Variants in RIMS2 observed in about 807,000 individuals in gnomAD.
The protein encoded by RIMS2 is regulating synaptic membrane exocytosis 2.
A neutral mutation model predicts 174.4 loss-of-function variants in RIMS2; 59 were observed. The ratio of observed to expected loss-of-function variants is 0.34; its 90% CI spans 0.27 to 0.42. RIMS2 has a LOEUF of 0.42. Among genes scored for constraint, RIMS2 ranks in the 10% least tolerant of loss-of-function variants. The pLI is 1.00. For synonymous variants in RIMS2, 606 were observed against 572.5 expected (o/e 1.06, Z -0.84); for missense variants, 1,620 against 1,666.3 (o/e 0.97, Z 0.48).
At chr8:103,591,887 G>T (rs1309317025) in intron 1 of RIMS2, among the ~76,000 whole-genome samples, 1 of 150,464 alleles carries the variant, frequency 6.6e-6, no homozygotes, top group East Asian at 1.9e-4. Context: ...GTGTTCTTTT[G>T]TACTTCCATA....
intron 4 of RIMS2, among the ~76,000 whole-genome samples, chr8:103,907,934 G>A (rs1374447612): frequency 6.7e-6 from 1 of 150,144 alleles, no homozygotes; most frequent in Non-Finnish European, 1.5e-5. Flanking sequence ...TTTTTTAGTA[G>A]AGACGGGGTT....
chr8:103,957,225 C>G (rs915938098), intron 14 of RIMS2, among the ~76,000 whole-genome samples: 1 of 152,090 alleles, frequency 6.6e-6, no homozygotes, highest in Non-Finnish European at 1.5e-5. Context: ...AGAAATACCA[C>G]TTGACCCAGC....
intron 3 of RIMS2, among the ~76,000 whole-genome samples, chr8:103,838,926 G>C (rs922381953): frequency 2.0e-5 from 3 of 152,106 alleles, no homozygotes; most frequent in Non-Finnish European, 4.4e-5. Flanking sequence ...TTAGCCGGGC[G>C]TGGTGGCGGG....
chr8:104,212,284 A>C (rs2099108810), intron 19 of RIMS2, among the ~76,000 whole-genome samples: 1 of 152,208 alleles, frequency 6.6e-6, no homozygotes, highest in Non-Finnish European at 1.5e-5. Context: ...AAGAGGGCCC[A>C]AAGTTGAACA....
intron 19 of RIMS2, among the ~76,000 whole-genome samples, chr8:104,052,176 A>G (rs944918921): frequency 6.6e-6 from 1 of 152,214 alleles, no homozygotes; most frequent in African/African-American, 2.4e-5. Context: ...GTGAGTTTAC[A>G]TGACTAAATC....
intron 4 of RIMS2, among the ~76,000 whole-genome samples, chr8:103,894,976 T>A (rs1218277354): frequency 6.6e-6 from 1 of 151,658 alleles, no homozygotes; most frequent in East Asian, 1.9e-4. Flanking sequence ...AATACTTTTT[T>A]AACTTTGAAA....
chr8:104,152,348 A>G (rs2098695056), intron 19 of RIMS2, among the ~76,000 whole-genome samples: 1 of 152,102 alleles, frequency 6.6e-6, no homozygotes, highest in South Asian at 2.1e-4. Context: ...ACTCCCCTTA[A>G]TAGATTTGAC....
chr8:103,565,893 T>C (rs535306842), intron 1 of RIMS2, among the ~76,000 whole-genome samples: 1 of 152,234 alleles, frequency 6.6e-6, no homozygotes, highest in East Asian at 1.9e-4. Context: ...AAGTACACAC[T>C]CAAGGGTGGG....
intron 3 of RIMS2, among the ~76,000 whole-genome samples, chr8:103,870,195 T>C (rs2099103980): frequency 6.6e-6 from 1 of 151,978 alleles, no homozygotes; most frequent in South Asian, 2.1e-4. Context: ...AGCTATGTGA[T>C]TTTAGGCAAA....
At chr8:103,586,190 C>T (rs1343189372) in intron 1 of RIMS2, among the ~76,000 whole-genome samples, 1 of 152,064 alleles carries the variant, frequency 6.6e-6, no homozygotes, top group East Asian at 1.9e-4. Flanking sequence ...GACAAATCTT[C>T]CAGACAGAAA....
At chr8:104,025,308 T>C (rs2096226801) in intron 19 of RIMS2, among the ~76,000 whole-genome samples, 1 of 152,076 alleles carries the variant, frequency 6.6e-6, no homozygotes, top group African/African-American at 2.4e-5. Flanking sequence ...AATAAGACCC[T>C]GCCTCTACCA....
chr8:104,109,482 A>G (rs1434595621), intron 19 of RIMS2, among the ~76,000 whole-genome samples: 2 of 149,764 alleles, frequency 1.3e-5, no homozygotes, highest in African/African-American at 5.1e-5. Context: ...CATACTGGGG[A>G]TAATAATAGT....
intron 19 of RIMS2, among the ~76,000 whole-genome samples, chr8:104,062,159 A>G (rs1228885954): frequency 6.6e-6 from 1 of 152,146 alleles, no homozygotes; most frequent in East Asian, 1.9e-4. Context: ...TAATCTCAGC[A>G]CTTTGGGAGG....
chr8:104,200,080 A>G lies in RIMS2; in HGVS notation c.3335-44836A>G, dbSNP rs144537376. Among the ~76,000 whole-genome samples, 520 of 152,280 alleles carry G rather than the reference A, an allele frequency of 3.4e-3. 3 individuals are homozygous for G. The highest frequency in any genetic ancestry group is 0.012 in the African/African-American group (498 of 41,548). On this transcript the variant is annotated intron_variant, in intron 19 of 23. Coordinates refer to ENST00000504942, the Ensembl canonical transcript of RIMS2. Reference sequence around the variant, plus strand: ...TAGCTTTTGGCCCCAGGATATAGGAATGGTCAGGGCAGGGCTTAACTCTGA... The same window carrying G: ...TAGCTTTTGGCCCCAGGATATAGGAGTGGTCAGGGCAGGGCTTAACTCTGA...
intron 19 of RIMS2, among the ~76,000 whole-genome samples, chr8:104,148,265 C>T (rs2098659911): frequency 6.7e-6 from 1 of 148,724 alleles, no homozygotes; most frequent in Admixed American, 6.7e-5. Context: ...GTAAGCTTCT[C>T]CCTTATGTCG....
chr8:103,575,621 A>G (rs1327034628), intron 1 of RIMS2, among the ~76,000 whole-genome samples: 1 of 149,240 alleles, frequency 6.7e-6, no homozygotes, highest in East Asian at 1.9e-4. Flanking sequence ...ATGTATTTAT[A>G]TAATATATAT....
At chr8:103,860,007 T>C (rs2099050215) in intron 3 of RIMS2, among the ~76,000 whole-genome samples, 2 of 152,100 alleles carry the variant, frequency 1.3e-5, no homozygotes, top group African/African-American at 4.8e-5. Flanking sequence ...GAAAATATCA[T>C]GTCACAAGAC....
intron 3 of RIMS2, among the ~76,000 whole-genome samples, chr8:103,859,934 C>T (rs998202198): frequency 6.6e-6 from 1 of 152,028 alleles, no homozygotes; most frequent in African/African-American, 2.4e-5. Context: ...CAGACTCTAT[C>T]ACTTGGCCCC....
intron 1 of RIMS2, among the ~76,000 whole-genome samples, chr8:103,651,376 C>A (rs1016897604): frequency 6.6e-6 from 1 of 152,226 alleles, no homozygotes; most frequent in African/African-American, 2.4e-5. Flanking sequence ...CTGTGGAATG[C>A]AGCTGCTTTC....
Sources: allele counts gnomAD v4.1 joint callset (sites outside exome capture counted in the v4.1 genomes callset), GRCh38; gene constraint gnomAD v4.1.1; transcripts MANE v1.5; gene names NCBI Gene and HGNC (gene_info 2026-07-23, HGNC 2026-07-21).